SLC14A2: variants seen among roughly 807,000 people sequenced by gnomAD.
SLC14A2 encodes the protein urea transporter 2.
In SLC14A2, 91 loss-of-function variants were observed where a neutral mutation model predicts 104.6. The observed-to-expected ratio is 0.87, with a 90% CI of 0.73 to 1.04. The LOEUF (loss-of-function observed/expected upper bound fraction) is 1.04. Among genes scored for constraint, SLC14A2 ranks in the 50% least tolerant of loss-of-function variants. The probability of loss-of-function intolerance (pLI) is 0.00; values close to 1 mark genes in which losing one functional copy is unlikely to be tolerated. For missense variants in SLC14A2, 1,189 were observed against 1,156.0 expected, an observed-to-expected ratio of 1.03 and a Z score of -0.41; for synonymous variants, 476 against 466.4, an observed-to-expected ratio of 1.02 and a Z score of -0.27.
intron 1 of SLC14A2, among the ~76,000 whole-genome samples, chr18:45,478,314 C>T (rs951719249): frequency 2.6e-5 from 4 of 152,292 alleles, no homozygotes; most frequent in African/African-American, 4.8e-5. Flanking sequence ...TGGGCTGGAT[C>T]CACTGTCTAA....
chr18:45,645,097 A>G (rs969143071), intron 10 of SLC14A2, among the ~76,000 whole-genome samples: 1 of 152,120 alleles, frequency 6.6e-6, no homozygotes, highest in Non-Finnish European at 1.5e-5. Flanking sequence ...ACTCCCACTT[A>G]TAAGTGAGAA....
chr18:45,300,634 T>C (rs929694050), intron 1 of SLC14A2, among the ~76,000 whole-genome samples: 2 of 152,202 alleles, frequency 1.3e-5, no homozygotes, highest in African/African-American at 4.8e-5. Context: ...ATAAAAATAA[T>C]TGATAGCTAA....
chr18:45,566,330 G>T lies in SLC14A2; in HGVS notation c.-34-58301G>T, dbSNP rs562615719. On this transcript the variant is annotated intron_variant, in intron 2 of 20. Transcript: ENST00000586448. The stretch of plus-strand genomic sequence containing the variant: ...TAGATTCAGATAGTCTGATTTCAGG[G>T]CCTGTGTTCTCATTAGGATATACTG... 9.2e-5 allele frequency among the ~76,000 whole-genome samples: 14 copies of T among 152,300 alleles called. No homozygotes were observed. The South Asian group carries it at 2.9e-3, about 32-fold the overall frequency.
intron 1 of SLC14A2, among the ~76,000 whole-genome samples, chr18:45,422,210 ACT>A (rs2086359002): frequency 1.3e-5 from 2 of 152,284 alleles, no homozygotes; most frequent in Admixed American, 6.5e-5. Flanking sequence ...GACACTGGGT[ACT>A]CTCAAGCAGG....
intron 19 of SLC14A2, among the ~76,000 whole-genome samples, chr18:45,679,959 A>G (rs2046288116): frequency 6.6e-6 from 1 of 152,340 alleles, no homozygotes; most frequent in Admixed American, 6.5e-5. Flanking sequence ...CCCTTGGAAC[A>G]GGGACCTCAT....
At chr18:45,599,703 C>G (rs1419087698) in intron 2 of SLC14A2, among the ~76,000 whole-genome samples, 1 of 152,210 alleles carries the variant, frequency 6.6e-6, no homozygotes, top group African/African-American at 2.4e-5. Flanking sequence ...AGTCTGTTCT[C>G]ACACTACTGA....
chr18:45,667,796 G>T (rs766432756), intron 13 of SLC14A2, 37 bp from the exon 14 acceptor site: 106 of 1,581,162 alleles, frequency 6.7e-5, no homozygotes, highest in Non-Finnish European at 8.9e-5. Flanking sequence ...TGCCCACACT[G>T]AGCACTTGCC....
intron 10 of SLC14A2, among the ~76,000 whole-genome samples, chr18:45,653,868 T>C (rs973632164): frequency 6.6e-6 from 1 of 152,170 alleles, no homozygotes; most frequent in Non-Finnish European, 1.5e-5. Flanking sequence ...CTATGGGGAA[T>C]TAAGGGAGTT....
chr18:45,385,226 C>A lies in SLC14A2; in HGVS notation c.-124-98007C>A, dbSNP rs1301197889. On this transcript the variant is annotated intron_variant, in intron 1 of 20. Coordinates refer to the SLC14A2 transcript ENST00000586448. ...CATTATCTTAAAGTACACACCACTT[C>A]CAGGTGGCGTGCAGCAAATGTTTGA... is the stretch of plus-strand genomic sequence containing the variant. 5.3e-5 allele frequency among the ~76,000 whole-genome samples: 8 copies of A among 152,214 alleles called. No individual in the cohort carries two copies. In the East Asian group the frequency reaches 1.5e-3, roughly 29 times the overall value.
Position 45,230,296 on chromosome 18 carries a change from G to A in SLC14A2, c.-125+17105G>A, listed in dbSNP as rs180960295. Among the ~76,000 whole-genome samples the A allele has an allele frequency of 5.8e-4, 89 of 152,326 alleles. 1 individual carries two copies. Among genetic ancestry groups the A allele is most frequent in the Middle Eastern group, 3.4e-3 (1 of 294 alleles). ...TGTAAAGTCCTGTAAGGCAGAAGTC[G>A]AACATGGGCCTTGCATGGGCTAATA... On this transcript the variant is annotated intron_variant, in intron 1 of 20. Transcript: ENST00000586448.
intron 1 of SLC14A2, among the ~76,000 whole-genome samples, chr18:45,259,335 G>A (rs907326156): frequency 6.6e-6 from 1 of 152,154 alleles, no homozygotes; most frequent in Non-Finnish European, 1.5e-5. Context: ...GACAACCCAG[G>A]GCAGGGGAAA....
the SLC14A2 span, among the ~76,000 whole-genome samples, chr18:45,168,428 C>T: frequency 6.6e-6 from 1 of 152,122 alleles, no homozygotes; most frequent in Non-Finnish European, 1.5e-5. Flanking sequence ...CACTGAGTGC[C>T]TCAGTTTCCT....
intron 10 of SLC14A2, among the ~76,000 whole-genome samples, chr18:45,658,599 AAAG>A: frequency 6.6e-6 from 1 of 152,006 alleles, no homozygotes; most frequent in South Asian, 2.1e-4. Context: ...AAAACCTGAG[AAAG>A]ACAACTCACA....
rs575030297 is a variant in SLC14A2, at chr18:45,444,676, G to A, written c.-124-38557G>A. Among the ~76,000 whole-genome samples, 11 of 152,342 alleles carry A rather than the reference G, an allele frequency of 7.2e-5. No homozygotes were observed. The South Asian group carries it at 2.1e-3, about 29-fold the overall frequency. On this transcript the variant is annotated intron_variant, in intron 1 of 20. Coordinates refer to the SLC14A2 transcript ENST00000586448. ...TGATTAAGCAGGATGAAACTGGTGA[G>A]CCAGCTTTCTCTATTTCATTTTATC...
At chr18:45,322,138 G>A (rs1322524372) in intron 1 of SLC14A2, among the ~76,000 whole-genome samples, 1 of 152,208 alleles carries the variant, frequency 6.6e-6, no homozygotes, top group Non-Finnish European at 1.5e-5. Context: ...GCAGCCCAAA[G>A]CAGGAATAAA....
chr18:45,319,927 A>T (rs2085168422), intron 1 of SLC14A2, among the ~76,000 whole-genome samples: 1 of 152,212 alleles, frequency 6.6e-6, no homozygotes, highest in Non-Finnish European at 1.5e-5. Context: ...ATACAAGGAG[A>T]GAAGATAAAT....
At chr18:45,494,418 A>T (rs538030772) in intron 2 of SLC14A2, among the ~76,000 whole-genome samples, 1 of 151,996 alleles carries the variant, frequency 6.6e-6, no homozygotes, top group East Asian at 1.9e-4. Context: ...GTCATCTTTT[A>T]TTTTTTTCTC....
intron 1 of SLC14A2, among the ~76,000 whole-genome samples, chr18:45,616,094 G>A (rs1373489129): frequency 2.0e-5 from 3 of 152,186 alleles, no homozygotes; most frequent in African/African-American, 4.8e-5. Context: ...CAGAGAAGCT[G>A]AAAATTGTCT....
chr18:45,251,336 G>T (rs1481443372), intron 1 of SLC14A2, among the ~76,000 whole-genome samples: 7 of 152,066 alleles, frequency 4.6e-5, no homozygotes, highest in Admixed American at 3.3e-4. Context: ...TTCTGTCCAG[G>T]TTGCTGCAAA....
Sources: allele counts gnomAD v4.1 joint callset (sites outside exome capture counted in the v4.1 genomes callset), GRCh38; gene constraint gnomAD v4.1.1; transcripts MANE v1.5; gene names NCBI Gene and HGNC (gene_info 2026-07-23, HGNC 2026-07-21).